DNM3: variants seen among roughly 807,000 people sequenced by gnomAD.
DNM3 encodes the protein dynamin-3.
In DNM3, 47 loss-of-function variants were observed where a neutral mutation model predicts 101.6. That is an observed-to-expected ratio of 0.46 (90% CI 0.37 to 0.59). DNM3 has a LOEUF of 0.59. Among genes scored for constraint, DNM3 ranks in the 20% least tolerant of loss-of-function variants. The pLI, the probability that DNM3 is intolerant of heterozygous loss-of-function variation, is 0.00. For synonymous variants in DNM3, 385 were observed against 387.9 expected, an observed-to-expected ratio of 0.99 and a Z score of 0.09; for missense variants, 849 against 1,085.7, an observed-to-expected ratio of 0.78 and a Z score of 3.06.
At chr1:172,229,245 T>G (rs1208362771) in intron 14 of DNM3, among the ~76,000 whole-genome samples, 1 of 152,146 alleles carries the variant, frequency 6.6e-6, no homozygotes, top group East Asian at 1.9e-4. Flanking sequence ...CCAACAATTA[T>G]TGAGACTTAG....
chr1:172,126,646 G>A (rs1156859463), intron 13 of DNM3, among the ~76,000 whole-genome samples: 1 of 152,072 alleles, frequency 6.6e-6, no homozygotes. Context: ...AGTAAGATCA[G>A]GCAATTTATT....
intron 4 of DNM3, among the ~76,000 whole-genome samples, chr1:172,030,407 C>G (rs570602414): frequency 1.3e-5 from 2 of 152,144 alleles, no homozygotes; most frequent in East Asian, 3.9e-4. Context: ...AAAATTAACC[C>G]AAGATGGATT....
intron 2 of DNM3, among the ~76,000 whole-genome samples, chr1:171,967,723 A>G (rs2043690096): frequency 6.6e-6 from 1 of 152,198 alleles, no homozygotes; most frequent in Non-Finnish European, 1.5e-5. Flanking sequence ...CCAAGAAATT[A>G]ACTGGGGAAA....
intron 14 of DNM3, among the ~76,000 whole-genome samples, chr1:172,149,597 GC>G (rs1239824484): frequency 6.6e-6 from 1 of 152,118 alleles, no homozygotes; most frequent in African/African-American, 2.4e-5. Flanking sequence ...TGTGCTATGA[GC>G]TCCCGTTGAA....
rs10911370 is a variant in DNM3 at position 172,244,172 on chromosome 1, A to G, written c.1660-9401A>G. Among the ~76,000 whole-genome samples the G allele has an allele frequency of 7.8e-3, 1,190 of 152,128 alleles. 14 individuals carry two copies. Among genetic ancestry groups the G allele is most frequent in the African/African-American group, 0.027 (1,140 of 41,508 alleles). ...AGAATGATGATTTCCAATTTCATCCATGTCCCTACAAAGGACATGAACTCA... is the reference window on the plus strand; with the variant it reads ...AGAATGATGATTTCCAATTTCATCCGTGTCCCTACAAAGGACATGAACTCA... On this transcript the variant is annotated intron_variant, in intron 14 of 20. Coordinates refer to ENST00000627582, the MANE Select transcript of DNM3 (RefSeq NM_015569.5).
rs559580364 is a variant in DNM3 at position 172,235,439 on chromosome 1, C to T, written c.1660-18134C>T. Among the ~76,000 whole-genome samples the T allele has an allele frequency of 1.5e-3, 223 of 152,210 alleles. 3 individuals are homozygous for T. The highest frequency in any genetic ancestry group is 1.9e-3 in the Non-Finnish European group (128 of 68,016). On this transcript the variant is annotated intron_variant, in intron 14 of 20. Transcript: ENST00000627582. ...TCAACCATTGTGGAAGTCAGTGTGG[C>T]GATTCCTCAGGATCTAGAACTAGAA...
intron 17 of DNM3, among the ~76,000 whole-genome samples, chr1:172,377,064 C>T (rs1190464933): frequency 1.3e-5 from 2 of 152,072 alleles, no homozygotes; most frequent in African/African-American, 4.8e-5. Context: ...ATTTATTCTG[C>T]TTTTCTCCTT....
At chr1:172,295,307 C>A (rs1037702634) in intron 15 of DNM3, among the ~76,000 whole-genome samples, 4 of 152,076 alleles carry the variant, frequency 2.6e-5, no homozygotes, top group African/African-American at 9.7e-5. Flanking sequence ...GTAGAAGATG[C>A]CTGATGGTAA....
Position 172,303,226 on chromosome 1 carries a change from A to G in DNM3, c.1770-5502A>G, listed in dbSNP as rs1158740908. Among the ~76,000 whole-genome samples, 7 of 152,214 alleles carry G rather than the reference A, an allele frequency of 4.6e-5. No homozygotes were observed. In the East Asian group the frequency reaches 1.3e-3, roughly 29 times the overall value. ...CTGAAAACCATGGCATGAGAACTAC[A>G]TGATGCATGCACAAGCTTCAGTAGC... On this transcript the variant is annotated intron_variant, in intron 15 of 20. Transcript: ENST00000627582.
At position 172,410,290 on chromosome 1, in the gene DNM3, A is replaced by G. The variant is rs1045411486; in HGVS notation, c.*2449A>G. On this transcript the variant is annotated 3_prime_UTR_variant, in exon 21 of 21. Transcript: ENST00000627582. The stretch of plus-strand genomic sequence containing the variant: ...GTATGTGCATAGTTTGACGTGCAGC[A>G]TGCACACCAGGCCTTAAGATGGGAA... 3 of 985,396 alleles carry G rather than the reference A, an allele frequency of 3.0e-6. No individual in the cohort carries two copies. Among genetic ancestry groups the G allele is most frequent in the Non-Finnish European group, 3.6e-6 (3 of 829,878 alleles). 61.0% of individuals were successfully genotyped at this position (985,396 alleles called of 1,614,324 possible). A position where few individuals can be genotyped will look rare whatever the true frequency, so the allele number is the denominator to read the frequency against.
intron 15 of DNM3, among the ~76,000 whole-genome samples, chr1:172,269,704 T>C (rs900912867): frequency 6.6e-6 from 1 of 152,190 alleles, no homozygotes; most frequent in African/African-American, 2.4e-5. Context: ...TGGTTACTTA[T>C]GTTAAGGATG....
chr1:172,082,010 C>T (rs1371209422), intron 12 of DNM3, 108 bp downstream of exon 12: 3 of 1,151,096 alleles, frequency 2.6e-6, no homozygotes, highest in Middle Eastern at 2.0e-4. Flanking sequence ...ACAATCTGTG[C>T]CAGGATTAAC....
chr1:172,305,128 A>G (rs1359686035), intron 15 of DNM3, among the ~76,000 whole-genome samples: 2 of 152,218 alleles, frequency 1.3e-5, no homozygotes, highest in African/African-American at 2.4e-5. Flanking sequence ...AAAGTGATAG[A>G]CCACTAGCAA....
At chr1:172,092,413 A>G (rs1379030206) in intron 12 of DNM3, among the ~76,000 whole-genome samples, 1 of 152,184 alleles carries the variant, frequency 6.6e-6, no homozygotes, top group African/African-American at 2.4e-5. Flanking sequence ...CAAGAAGAAT[A>G]ATCGTAACTG....
chr1:172,081,740 A>G (rs959399477), intron 11 of DNM3, 92 bp from the exon 12 acceptor site: 3 of 1,011,814 alleles, frequency 3.0e-6, no homozygotes, highest in African/African-American at 3.2e-5. Flanking sequence ...AAAAAATTAT[A>G]TGAAGGTAAT....
chr1:172,168,382 T>G (rs2058830281), intron 14 of DNM3, among the ~76,000 whole-genome samples: 1 of 152,028 alleles, frequency 6.6e-6, no homozygotes, highest in Non-Finnish European at 1.5e-5. Context: ...TCCTGTATAT[T>G]TTAACAAAAG....
At chr1:172,042,575 T>G (rs1305641947) in intron 8 of DNM3, among the ~76,000 whole-genome samples, 1 of 152,174 alleles carries the variant, frequency 6.6e-6, no homozygotes, top group Non-Finnish European at 1.5e-5. Flanking sequence ...CCACTTTTAA[T>G]GGAATAATCA....
chr1:172,369,795 C>A (rs1382953920), intron 17 of DNM3, among the ~76,000 whole-genome samples: 1 of 151,906 alleles, frequency 6.6e-6, no homozygotes, highest in Admixed American at 6.6e-5. Context: ...GATGCCATAA[C>A]AAATTATCAT....
chr1:171,855,595 C>T (rs1265450461), intron 1 of DNM3, among the ~76,000 whole-genome samples: 1 of 152,158 alleles, frequency 6.6e-6, no homozygotes, highest in Non-Finnish European at 1.5e-5. Context: ...ATGGTATCTT[C>T]ATTGTGGTTT....
Sources: gnomAD v4.1 joint callset for allele counts (sites outside exome capture counted in the v4.1 genomes callset) on GRCh38, gnomAD v4.1.1 for gene constraint, MANE v1.5 for transcripts, NCBI Gene and HGNC (gene_info 2026-07-23, HGNC 2026-07-21) for gene names.